The following DDX60 variants were observed in gnomAD, a reference collection of about 807,000 sequenced individuals.
DDX60 encodes DExD/H-box helicase 60.
DDX60 carries 165 observed loss-of-function variants against 212.8 expected under a neutral mutation model. The ratio of observed to expected loss-of-function variants is 0.78; its 90% CI spans 0.68 to 0.88. The LOEUF is 0.88. Ranked by LOEUF, DDX60 falls within the 40% of genes least tolerant of loss-of-function variation. The probability of loss-of-function intolerance (pLI) is 0.00; values close to 1 mark genes in which losing one functional copy is unlikely to be tolerated. For missense variants in DDX60, 1,905 were observed against 2,003.9 expected (o/e 0.95, Z 0.94); for synonymous variants, 703 against 685.3 (o/e 1.03, Z -0.40).
intron 1 of DDX60, among the ~76,000 whole-genome samples, chr4:168,315,939 C>A (rs957713197): frequency 6.6e-6 from 1 of 152,140 alleles, no homozygotes; most frequent in Non-Finnish European, 1.5e-5. Flanking sequence ...TGGGTATATA[C>A]CCAGTAATGG....
chr4:168,263,898 T>C (rs1734728948), intron 22 of DDX60, among the ~76,000 whole-genome samples: 1 of 152,214 alleles, frequency 6.6e-6, no homozygotes, highest in Non-Finnish European at 1.5e-5. Context: ...AAATGATATA[T>C]ATTGTATCAA....
Position 168,289,023 on chromosome 4 carries a change from T to C in DDX60, c.1042-708A>G, listed in dbSNP as rs539400245. 5.5e-4 allele frequency among the ~76,000 whole-genome samples: 84 copies of C among 152,190 alleles called. 1 individual carries two copies. Among genetic ancestry groups the C allele is most frequent in the Non-Finnish European group, 9.8e-4 (67 of 68,032 alleles). Reference sequence around the variant, plus strand: ...TATGGGCTGATCAGCTGTTACTCCATAGGGCATATATTTGGAAGCTGGACA... The same window carrying C: ...TATGGGCTGATCAGCTGTTACTCCACAGGGCATATATTTGGAAGCTGGACA... On this transcript the variant is annotated intron_variant, in intron 8 of 37. Coordinates refer to ENST00000393743, the MANE Select transcript of DDX60 (RefSeq NM_017631.6).
chr4:168,218,592 G>T (rs565268346), intron 37 of DDX60, among the ~76,000 whole-genome samples: 10 of 151,914 alleles, frequency 6.6e-5, no homozygotes, highest in Non-Finnish European at 1.5e-4. Flanking sequence ...CTGTCTACAC[G>T]TTGCTCAAAA....
intron 14 of DDX60, among the ~76,000 whole-genome samples, chr4:168,277,237 A>G (rs1439311987): frequency 6.6e-6 from 1 of 152,154 alleles, no homozygotes; most frequent in African/African-American, 2.4e-5. Context: ...GCAGCTTTGG[A>G]AGAACTCAGC....
At chr4:168,255,595 T>C in intron 26 of DDX60, 116 bp downstream of exon 26, 2 of 856,828 alleles carry the variant, frequency 2.3e-6, no homozygotes, top group East Asian at 3.0e-5. Context: ...AATTTAGAAA[T>C]AAGTCCAAGC....
At position 168,285,772 on chromosome 4, in the gene DDX60, GATGCATGGATGGGTGGATGGATGT is replaced by G. The variant is rs1244083199; in HGVS notation, c.1340-298_1340-275del. 3.6e-4 allele frequency among the ~76,000 whole-genome samples: 55 copies of G among 151,642 alleles called. No homozygotes were observed. In the Middle Eastern group the frequency reaches 0.014, roughly 38 times the overall value. On this transcript the variant is annotated intron_variant, in intron 10 of 37. Coordinates refer to ENST00000393743, the MANE Select transcript of DDX60 (RefSeq NM_017631.6). ...TGCATGGGGGATGGGTGGGTGAATG[GATGCATGGATGGGTGGATGGATGT>G]ATGCATGGATGGGTGGATGGATGGA...
chr4:168,224,390 CA>C lies in DDX60; in HGVS notation c.4682-6del. ...CACATTCTTTACCTGTGAATTCTGA[CA>C]ATAATAGTTAGGGATAGATTAGTGT... On this transcript the variant is annotated splice_region_variant and splice_polypyrimidine_tract_variant and intron_variant, in intron 34 of 37. Transcript: ENST00000393743. The C allele has an allele frequency of 1.2e-6, 2 of 1,610,732 alleles. No homozygotes were observed. The highest frequency in any genetic ancestry group is 1.7e-6 in the Non-Finnish European group (2 of 1,177,788).
intron 27 of DDX60, among the ~76,000 whole-genome samples, chr4:168,251,895 T>C (rs139197739): frequency 6.6e-6 from 1 of 152,268 alleles, no homozygotes; most frequent in East Asian, 1.9e-4. Context: ...GTACTATGAG[T>C]GATGACATTG....
At position 168,273,403 on chromosome 4, in the gene DDX60, T is replaced by C. The variant is rs770084799; in HGVS notation, c.2455-5A>G. 3.1e-6 allele frequency: 5 copies of C among 1,613,048 alleles called. No individual in the cohort carries two copies. Among genetic ancestry groups the C allele is most frequent in the East Asian group, 2.2e-5 (1 of 44,778 alleles). ...TGCCACTTGATTAACAAGGGCCTGA[T>C]TGACAAAGAAAAAGATCCATTAGTC... On this transcript the variant is annotated splice_region_variant and splice_polypyrimidine_tract_variant and intron_variant, in intron 17 of 37. Transcript: ENST00000393743.
intron 37 of DDX60, among the ~76,000 whole-genome samples, chr4:168,218,350 C>G (rs943737708): frequency 5.3e-5 from 8 of 152,116 alleles, no homozygotes; most frequent in Non-Finnish European, 1.0e-4. Context: ...TCCTATACAT[C>G]CTTAACAAAA....
At chr4:168,251,203 C>A in intron 27 of DDX60, 97 bp from the exon 28 acceptor site, 1 of 1,176,420 alleles carries the variant, frequency 8.5e-7, no homozygotes. Context: ...AATAATTTGG[C>A]TAAACAGGCA....
At chr4:168,256,134 G>A (rs1183259861) in intron 25 of DDX60, among the ~76,000 whole-genome samples, 1 of 118,616 alleles carries the variant, frequency 8.4e-6, no homozygotes, top group East Asian at 2.8e-4. Context: ...ATTACCCCTG[G>A]GACAATGCAA....
chr4:168,216,994 T>A lies in DDX60; in HGVS notation c.5078A>T (p.Asn1693Ile). The change falls in exon 38 of 38, where the codon AAC becomes ATC. Residue 1693 changes from asparagine (N) to isoleucine (I), a missense_variant. Asn to Ile is a moderately radical substitution (Grantham distance 149). Coordinates refer to ENST00000393743, the MANE Select transcript of DDX60 (RefSeq NM_017631.6). ...CAGTTGTTCAAAGGCTAAGACAACG[T>A]TGTCGTCTTCATTTTCACATAGCTC... Reference protein sequence around the residue: ...LRELCENEDDNVVLAFEQLST... With the variant: ...LRELCENEDDIVVLAFEQLST... 1 of 1,605,402 alleles carries A rather than the reference T, an allele frequency of 6.2e-7. No individual in the cohort carries two copies. The highest frequency in any genetic ancestry group is 8.5e-7 in the Non-Finnish European group (1 of 1,177,540).
At chr4:168,228,116 G>A (rs1733322437) in intron 33 of DDX60, among the ~76,000 whole-genome samples, 1 of 152,066 alleles carries the variant, frequency 6.6e-6, no homozygotes, top group Non-Finnish European at 1.5e-5. Flanking sequence ...ATTGGTCCTA[G>A]GCTACAAACC....
At chr4:168,224,772 T>C (rs1306927699) in intron 34 of DDX60, among the ~76,000 whole-genome samples, 3 of 152,014 alleles carry the variant, frequency 2.0e-5, no homozygotes, top group Non-Finnish European at 2.9e-5. Flanking sequence ...ATTAGTAAGT[T>C]TGGAAGTAGT....
chr4:168,296,163 T>C (rs1261799862), intron 6 of DDX60, among the ~76,000 whole-genome samples: 1 of 152,138 alleles, frequency 6.6e-6, no homozygotes, highest in East Asian at 1.9e-4. Flanking sequence ...CAATAAAAAA[T>C]GATAGGTAAG....
chr4:168,246,659 T>A lies in DDX60; in HGVS notation c.3964-41A>T, dbSNP rs747004764. The A allele has an allele frequency of 4.4e-6, 7 of 1,595,356 alleles. No individual in the cohort carries two copies. The East Asian group carries it at 1.3e-4, about 31-fold the overall frequency. On this transcript the variant is annotated intron_variant, in intron 29 of 37. Coordinates refer to ENST00000393743, the MANE Select transcript of DDX60 (RefSeq NM_017631.6). ...AATTACAATGTAAAACTTCCCTAAA[T>A]GCTTCTACTGCCATAGTGTAAGAAT...
chr4:168,250,559 C>A (rs114089968), intron 28 of DDX60, among the ~76,000 whole-genome samples: 1 of 146,164 alleles, frequency 6.8e-6, no homozygotes, highest in Non-Finnish European at 1.5e-5. Flanking sequence ...AAGTCTTGCT[C>A]TTGTCCCCCA....
chr4:168,312,749 T>C (rs1363071250), intron 1 of DDX60, among the ~76,000 whole-genome samples: 1 of 62,898 alleles, frequency 1.6e-5, no homozygotes, highest in East Asian at 3.0e-4. Context: ...TAGATAGATA[T>C]GATAGAGAGA....
Sources: gnomAD v4.1 joint callset for allele counts (sites outside exome capture counted in the v4.1 genomes callset) on GRCh38, gnomAD v4.1.1 for gene constraint, MANE v1.5 for transcripts, NCBI Gene and HGNC (gene_info 2026-07-23, HGNC 2026-07-21) for gene names.